GALNT9: variants seen among roughly 807,000 people sequenced by gnomAD.
The protein encoded by GALNT9 is polypeptide N-acetylgalactosaminyltransferase 9.
A neutral mutation model predicts 63.1 loss-of-function variants in GALNT9; 47 were observed. The observed-to-expected ratio is 0.75, with a 90% CI of 0.59 to 0.95. The LOEUF (loss-of-function observed/expected upper bound fraction) is 0.95. GALNT9 is among the 40% of genes least tolerant of loss of function. The pLI is 0.00. For synonymous variants in GALNT9, 396 were observed against 365.7 expected, an observed-to-expected ratio of 1.08 and a Z score of -0.94; for missense variants, 829 against 874.8, an observed-to-expected ratio of 0.95 and a Z score of 0.66.
chr12:132,290,966 C>G, intron 1 of GALNT9, among the ~76,000 whole-genome samples: 2 of 59,136 alleles, frequency 3.4e-5, no homozygotes, highest in Non-Finnish European at 6.4e-5. Context: ...GCGCCCACAT[C>G]CACAGCACCC....
intron 2 of GALNT9, chr12:132,272,830 C>T (rs1879917301): frequency 6.6e-6 from 1 of 152,314 alleles, no homozygotes. Context: ...TCCACCCTCC[C>T]TCCACTTCGC....
intron 1 of GALNT9, among the ~76,000 whole-genome samples, chr12:132,295,336 G>A (rs60273551): frequency 0.089 from 13,608 of 152,322 alleles, 673 homozygotes; most frequent in East Asian, 0.17. Flanking sequence ...GCCGGGCGCC[G>A]TGCAGGCCGA....
rs60536904 is a variant in GALNT9, at chr12:132,265,378, A to G, written c.420-2753T>C. ...ACCCAAGACACAGTGTCAGCAGGAC[A>G]TGGGCCTCTGTCTCCGATCTCGGAA... On this transcript the variant is annotated intron_variant, in intron 2 of 10. Coordinates refer to ENST00000328957, the MANE Select transcript of GALNT9 (RefSeq NM_001122636.2). This position sits in a 1 kb window ranked among gnomAD's most constrained non-coding sequence, Gnocchi z 5.3. Among the ~76,000 whole-genome samples, 12,756 of 152,186 alleles carry G rather than the reference A, an allele frequency of 0.084. 1,376 individuals are homozygous for G. The highest frequency in any genetic ancestry group is 0.25 in the African/African-American group (10,370 of 41,482).
intron 4 of GALNT9, among the ~76,000 whole-genome samples, chr12:132,259,594 A>C (rs1439722077): frequency 6.6e-6 from 1 of 152,178 alleles, no homozygotes; most frequent in East Asian, 1.9e-4. Flanking sequence ...GAGAAGCCTG[A>C]GAGGTGCCAA....
chr12:132,329,406 G>C lies in GALNT9; in HGVS notation c.-203C>G. On this transcript the variant is annotated 5_prime_UTR_variant, in exon 1 of 11. Coordinates refer to ENST00000328957, the MANE Select transcript of GALNT9 (RefSeq NM_001122636.2). ...TCCCCCAGAGCGCAGAGGGCTGCCCGGGGCTGGGGTCGCGGGGCGCGGCCG... is the reference window on the plus strand; with the variant it reads ...TCCCCCAGAGCGCAGAGGGCTGCCCCGGGCTGGGGTCGCGGGGCGCGGCCG... The C allele has an allele frequency of 1.6e-6, 1 of 607,220 alleles. No homozygotes were observed. Among genetic ancestry groups the C allele is most frequent in the Non-Finnish European group, 2.3e-6 (1 of 431,618 alleles). 37.6% of individuals were successfully genotyped at this position (607,220 alleles called of 1,614,324 possible).
At chr12:132,298,310 A>G (rs1416068874) in intron 1 of GALNT9, among the ~76,000 whole-genome samples, 1 of 151,902 alleles carries the variant, frequency 6.6e-6, no homozygotes, top group Non-Finnish European at 1.5e-5. Context: ...CATTCCCACC[A>G]CACTTAACCC....
chr12:132,212,019 C>T (rs931202543), intron 6 of GALNT9, among the ~76,000 whole-genome samples: 5 of 152,232 alleles, frequency 3.3e-5, no homozygotes, highest in Non-Finnish European at 4.4e-5. Context: ...GGACACTCCG[C>T]ATGGCAGCGG....
At chr12:132,229,793 G>C (rs1228313553) in intron 6 of GALNT9, among the ~76,000 whole-genome samples, 5 of 152,342 alleles carry the variant, frequency 3.3e-5, no homozygotes, top group Admixed American at 1.3e-4. Flanking sequence ...GGGCACCACA[G>C]GTGTTCACTG....
intron 3 of GALNT9, 66 bp downstream of exon 3, chr12:132,262,393 A>T (rs1593091274): frequency 7.3e-6 from 11 of 1,503,294 alleles, no homozygotes; most frequent in Non-Finnish European, 8.9e-6. Context: ...GCTCCACCCA[A>T]CCCCAACTCA....
intron 5 of GALNT9, among the ~76,000 whole-genome samples, chr12:132,250,759 C>G (rs1878883018): frequency 6.6e-6 from 1 of 152,164 alleles, no homozygotes; most frequent in Admixed American, 6.5e-5. Flanking sequence ...CCACTGCACT[C>G]CAGCCCGGGT....
chr12:132,196,853 G>A lies in GALNT9; in HGVS notation c.*254C>T, dbSNP rs925162017. On this transcript the variant is annotated 3_prime_UTR_variant, in exon 11 of 11. Transcript: ENST00000328957. ...CCAGGAGATACCGTGGAGAAGGCAC[G>A]TGTTTGAGTTGGCATCACTGTCCCC... is the stretch of plus-strand genomic sequence containing the variant. 102 of 1,315,028 alleles carry A rather than the reference G, an allele frequency of 7.8e-5. No individual in the cohort carries two copies. Among genetic ancestry groups the A allele is most frequent in the East Asian group, 4.6e-4 (14 of 30,698 alleles). 81.5% of individuals were successfully genotyped at this position (1,315,028 alleles called of 1,614,324 possible).
intron 1 of GALNT9, among the ~76,000 whole-genome samples, chr12:132,289,914 C>A (rs1160002345): frequency 6.6e-6 from 1 of 152,188 alleles, no homozygotes; most frequent in Non-Finnish European, 1.5e-5. Flanking sequence ...AGATGGAGCT[C>A]AGGGGTCCTG....
rs1378540650 is a variant in GALNT9, at chr12:132,279,021, T to G, written c.419+7229A>C. On this transcript the variant is annotated intron_variant, in intron 2 of 10. Transcript: ENST00000328957. This position sits in a 1 kb window ranked among gnomAD's most constrained non-coding sequence, Gnocchi z 4.1. ...CCAACAGGACTCAGCCTCCAGTGGC[T>G]ACCATCAGACCCCACGGCATGGTGA... is the stretch of plus-strand genomic sequence containing the variant. 1 of 152,180 alleles carries G rather than the reference T, an allele frequency of 6.6e-6. No individual in the cohort carries two copies. The highest frequency in any genetic ancestry group is 2.4e-5 in the African/African-American group (1 of 41,406). The allele number at this position is 152,180 out of a possible 1,614,324, so 9.4% of individuals were successfully genotyped here. A position where few individuals can be genotyped will look rare whatever the true frequency, so the allele number is the denominator to read the frequency against.
intron 1 of GALNT9, among the ~76,000 whole-genome samples, chr12:132,307,571 C>T (rs370952908): frequency 3.3e-5 from 5 of 151,838 alleles, no homozygotes; most frequent in African/African-American, 7.3e-5. Context: ...CAGTGGCTCA[C>T]GCCTGTAATC....
intron 6 of GALNT9, among the ~76,000 whole-genome samples, chr12:132,243,417 C>T (rs1555237660): frequency 6.6e-6 from 1 of 152,110 alleles, no homozygotes; most frequent in Non-Finnish European, 1.5e-5. Context: ...GGCCCCAGTC[C>T]TCCTCGTCTT....
chr12:132,289,086 C>T (rs782029637), intron 1 of GALNT9, among the ~76,000 whole-genome samples: 7 of 152,122 alleles, frequency 4.6e-5, no homozygotes, highest in African/African-American at 9.7e-5. Context: ...CATATCTTGC[C>T]GTGAATCACA....
chr12:132,197,616 C>G (rs1875615083), intron 10 of GALNT9, among the ~76,000 whole-genome samples, 176 bp downstream of exon 10: 1 of 149,426 alleles, frequency 6.7e-6, no homozygotes. Context: ...CACCTGCCCT[C>G]TCTGTGAGCG....
chr12:132,221,350 C>CAAAAAAA (rs869246524), intron 6 of GALNT9, among the ~76,000 whole-genome samples: 1 of 46,806 alleles, frequency 2.1e-5, no homozygotes, highest in Non-Finnish European at 3.3e-5. Flanking sequence ...AGATTGTGTC[C>CAAAAAAA]AAAAAAAAAA....
At position 132,286,335 on chromosome 12, in the gene GALNT9, C is replaced by T. The variant is rs1880589992; in HGVS notation, c.334G>A (p.Gly112Ser). The T allele has an allele frequency of 1.3e-6, 2 of 1,551,082 alleles. No homozygotes were observed. Among genetic ancestry groups the T allele is most frequent in the Non-Finnish European group, 1.7e-6 (2 of 1,146,924 alleles). The change falls in exon 2 of 11, where the codon GGC (glycine) becomes AGC (serine). Residue 112 changes from glycine to serine, a missense_variant. Coordinates refer to ENST00000328957, the MANE Select transcript of GALNT9 (RefSeq NM_001122636.2). This position sits in a 1 kb window ranked among gnomAD's most constrained non-coding sequence, Gnocchi z 7.4. ...TTGTAGCCGTACTCCTCATACTTGC[C>T]TTCCGCCTCCTGGCCGTCATCACGC... ...TLRDDGQEAE[G>S]KYEEYGYNAQ...
Sources: allele counts gnomAD v4.1 joint callset (sites outside exome capture counted in the v4.1 genomes callset), GRCh38; gene constraint gnomAD v4.1.1; non-coding constraint Gnocchi (gnomAD v3.1); transcripts MANE v1.5; gene names NCBI Gene and HGNC (gene_info 2026-07-23, HGNC 2026-07-21).